CNNM2: variants seen among roughly 807,000 people sequenced by gnomAD.
The protein encoded by CNNM2 is metal transporter CNNM2.
A neutral mutation model predicts 66.9 loss-of-function variants in CNNM2; 12 were observed. That is an observed-to-expected ratio of 0.18 (90% CI 0.11 to 0.29). The LOEUF is 0.29. Among genes scored for constraint, CNNM2 ranks in the 10% least tolerant of loss-of-function variants. The pLI is 1.00. For missense variants in CNNM2, 705 were observed against 1,167.7 expected (o/e 0.60, Z 5.77); for synonymous variants, 557 against 501.8 (o/e 1.11, Z -1.47).
At chr10:103,049,497 G>T (rs1313246705) in intron 1 of CNNM2, among the ~76,000 whole-genome samples, 1 of 152,124 alleles carries the variant, frequency 6.6e-6, no homozygotes, top group Non-Finnish European at 1.5e-5. Flanking sequence ...TATGTGGAGG[G>T]TGACGCTCTT....
At chr10:103,057,382 G>A (rs558888008) in intron 4 of CNNM2, among the ~76,000 whole-genome samples, 1 of 152,046 alleles carries the variant, frequency 6.6e-6, no homozygotes, top group African/African-American at 2.4e-5. Flanking sequence ...GACAGGGGGC[G>A]GGGCGGGGAT....
In CNNM2 at chr10:103,076,387, G is replaced by A. The variant is rs2065691469; in HGVS notation, c.2418+117G>A. 7.8e-6 allele frequency: 8 copies of A among 1,028,292 alleles called. No homozygotes were observed. In the South Asian group the frequency reaches 9.3e-5, roughly 12 times the overall value. 63.7% of individuals were successfully genotyped at this position (1,028,292 alleles called of 1,614,324 possible). A position where few individuals can be genotyped will look rare whatever the true frequency, so the allele number is the denominator to read the frequency against. On this transcript the variant is annotated intron_variant, in intron 7 of 7. Coordinates refer to ENST00000369878, the MANE Select transcript of CNNM2 (RefSeq NM_017649.5). ...ACTCTCCCTTTGTCACTTTGTGGGT[G>A]CCCTGCCTTCCATTCTCAACTACAC...
intron 1 of CNNM2, among the ~76,000 whole-genome samples, chr10:102,951,539 G>A (rs1846833235): frequency 6.6e-6 from 1 of 151,952 alleles, no homozygotes. Context: ...TGGGCTTTGA[G>A]CACGCTTGCA....
At position 103,060,309 on chromosome 10, in the gene CNNM2, C is replaced by G. The variant is rs554408659; in HGVS notation, c.2073+3345C>G. On this transcript the variant is annotated intron_variant, in intron 4 of 7. Coordinates refer to ENST00000369878, the MANE Select transcript of CNNM2 (RefSeq NM_017649.5). ...GGGCATGGTGGCTCACGCCTGTAAT[C>G]CCAGAACTTTGGGAGGTTGAGGCGG... Among the ~76,000 whole-genome samples the G allele has an allele frequency of 2.6e-5, 4 of 152,308 alleles. No individual in the cohort carries two copies. In the South Asian group the frequency reaches 8.3e-4, roughly 32 times the overall value.
chr10:103,044,609 A>G (rs2065098582), intron 1 of CNNM2, among the ~76,000 whole-genome samples: 1 of 152,200 alleles, frequency 6.6e-6, no homozygotes, highest in African/African-American at 2.4e-5. Flanking sequence ...ACAAGGACTA[A>G]AGTCCCTGCA....
intron 1 of CNNM2, among the ~76,000 whole-genome samples, chr10:102,952,006 T>G (rs1474329861): frequency 6.6e-6 from 1 of 152,068 alleles, no homozygotes; most frequent in African/African-American, 2.4e-5. Flanking sequence ...TTTCTCCATG[T>G]TGGTCAGGCT....
intron 1 of CNNM2, among the ~76,000 whole-genome samples, chr10:102,929,783 A>G (rs1846004858): frequency 6.6e-6 from 1 of 152,324 alleles, no homozygotes; most frequent in South Asian, 2.1e-4. Context: ...TGCTGTGAAC[A>G]TTGGCATGCA....
intron 1 of CNNM2, among the ~76,000 whole-genome samples, chr10:102,996,824 C>T (rs1187627590): frequency 6.6e-6 from 1 of 152,222 alleles, no homozygotes; most frequent in Admixed American, 6.5e-5. Flanking sequence ...TTTATTTTCT[C>T]ATGGCCTTTC....
intron 4 of CNNM2, among the ~76,000 whole-genome samples, chr10:103,058,730 T>G (rs1165312526): frequency 6.6e-6 from 1 of 152,232 alleles, no homozygotes; most frequent in Non-Finnish European, 1.5e-5. Flanking sequence ...AAGTAGTGTG[T>G]ATGTTTGATG....
intron 1 of CNNM2, among the ~76,000 whole-genome samples, chr10:102,954,135 T>TTC (rs2134194996): frequency 6.6e-6 from 1 of 150,946 alleles, no homozygotes; most frequent in African/African-American, 2.4e-5. Flanking sequence ...TCTTTTTTTT[T>TTC]TTTTTTTTGA....
At chr10:103,030,215 C>G (rs959068641) in intron 1 of CNNM2, among the ~76,000 whole-genome samples, 2 of 152,002 alleles carry the variant, frequency 1.3e-5, no homozygotes, top group Non-Finnish European at 2.9e-5. Flanking sequence ...TGAATGCCAT[C>G]CCAAAGAACT....
intron 4 of CNNM2, among the ~76,000 whole-genome samples, chr10:103,066,079 T>C (rs977713561): frequency 6.6e-6 from 1 of 152,160 alleles, no homozygotes; most frequent in South Asian, 2.1e-4. Context: ...TGGTCAGTGA[T>C]TGCTCCCGGC....
chr10:102,935,820 T>C (rs1193987681), intron 1 of CNNM2, among the ~76,000 whole-genome samples: 1 of 145,902 alleles, frequency 6.9e-6, no homozygotes, highest in Non-Finnish European at 1.5e-5. Flanking sequence ...AGTGTCGCTA[T>C]GTTGCCCAGG....
intron 1 of CNNM2, among the ~76,000 whole-genome samples, chr10:102,991,434 T>C (rs2063896311): frequency 6.6e-6 from 1 of 152,218 alleles, no homozygotes. Flanking sequence ...AATATTTCTT[T>C]TGGGTTACTT....
rs1209206055 is a variant in CNNM2 at position 102,978,570 on chromosome 10, G to A, written c.1621+58469G>A. On this transcript the variant is annotated intron_variant, in intron 1 of 7. Coordinates refer to ENST00000369878, the MANE Select transcript of CNNM2 (RefSeq NM_017649.5). The stretch of plus-strand genomic sequence containing the variant: ...CATTAGCCTCCTTGCTGGTCTCCTT[G>A]CTGTTTTATCTTTGCCTCCTTATAA... 3.9e-5 allele frequency among the ~76,000 whole-genome samples: 6 copies of A among 152,168 alleles called. No homozygotes were observed. The East Asian group carries it at 9.6e-4, about 24-fold the overall frequency.
At chr10:102,962,443 T>G (rs1286848052) in intron 1 of CNNM2, among the ~76,000 whole-genome samples, 1 of 152,174 alleles carries the variant, frequency 6.6e-6, no homozygotes, top group Admixed American at 6.5e-5. Flanking sequence ...AATGCTTTTG[T>G]TTGGGATTCT....
Position 103,089,737 on chromosome 10 carries a change from G to T in CNNM2, c.*12557G>T. On this transcript the variant is annotated 3_prime_UTR_variant, in exon 8 of 8. Transcript: ENST00000369878. ...TCATGGCAGTGTGTAATTTCCTGGG[G>T]GGCCAGTGGGAAGAGGTTGGGAGGT... is the stretch of plus-strand genomic sequence containing the variant. 6.2e-7 allele frequency: 1 copy of T among 1,613,692 alleles called. No homozygotes were observed. The highest frequency in any genetic ancestry group is 8.5e-7 in the Non-Finnish European group (1 of 1,179,894).
chr10:102,925,296 C>CAAAAAAAAAAAAAAAAA (rs10624810), intron 1 of CNNM2, among the ~76,000 whole-genome samples: 3 of 17,748 alleles, frequency 1.7e-4, no homozygotes, highest in East Asian at 1.8e-3. Flanking sequence ...AACTCCATCT[C>CAAAAAAAAAAAAAAAAA]AAAAAAAAAA....
intron 1 of CNNM2, among the ~76,000 whole-genome samples, chr10:102,974,269 T>G (rs1261488350): frequency 1.3e-5 from 2 of 152,212 alleles, no homozygotes; most frequent in African/African-American, 2.4e-5. Flanking sequence ...ACAACAGCTC[T>G]AAGATGGGGC....
Sources: allele counts gnomAD v4.1 joint callset (sites outside exome capture counted in the v4.1 genomes callset), GRCh38; gene constraint gnomAD v4.1.1; transcripts MANE v1.5; gene names NCBI Gene and HGNC (gene_info 2026-07-23, HGNC 2026-07-21).